DTNA: variants seen among roughly 807,000 people sequenced by gnomAD.
The protein encoded by DTNA is dystrophin-related protein 3.
Under a neutral mutation model 100.7 loss-of-function variants are expected in DTNA, and 43 were observed. The observed-to-expected ratio is 0.43, with a 90% CI of 0.33 to 0.55. The LOEUF is 0.55. DTNA is among the 20% of genes least tolerant of loss of function. The pLI is 0.04. For synonymous variants in DTNA, 349 were observed against 347.9 expected (o/e 1.00, Z -0.04); for missense variants, 798 against 953.9 (o/e 0.84, Z 2.15).
chr18:34,765,578 A>G (rs541520090), intron 2 of DTNA, among the ~76,000 whole-genome samples: 440 of 152,360 alleles, frequency 2.9e-3, no homozygotes, highest in Non-Finnish European at 5.3e-3. Flanking sequence ...GCCACATTCT[A>G]ATGACCAATA....
intron 1 of DTNA, among the ~76,000 whole-genome samples, chr18:34,624,036 T>A (rs1268544573): frequency 6.6e-6 from 1 of 152,140 alleles, no homozygotes; most frequent in East Asian, 1.9e-4. Context: ...AATTTTTAAT[T>A]AAAATTACCC....
intron 1 of DTNA, among the ~76,000 whole-genome samples, chr18:34,601,591 C>T (rs2051841595): frequency 1.3e-5 from 2 of 152,206 alleles, no homozygotes; most frequent in Non-Finnish European, 2.9e-5. Flanking sequence ...CCCTTAGTAA[C>T]ACAGATTTAG....
rs564252172 is a variant in DTNA, at chr18:34,719,970, A to C, written c.-2+9525A>C. On this transcript the variant is annotated intron_variant, in intron 1 of 22. Transcript: ENST00000444659. ...TAATGGTACTAATAAGAGCAAATGG[A>C]ATTCCCTTCCAAGCTTGGTATTTGA... 8.5e-5 allele frequency among the ~76,000 whole-genome samples: 13 copies of C among 152,264 alleles called. No individual in the cohort carries two copies. In the South Asian group the frequency reaches 2.7e-3, roughly 32 times the overall value.
At chr18:34,566,464 C>T (rs1438029613) in intron 1 of DTNA, among the ~76,000 whole-genome samples, 2 of 152,112 alleles carry the variant, frequency 1.3e-5, no homozygotes, top group Non-Finnish European at 2.9e-5. Context: ...AGAAATTAAA[C>T]CAATACATGG....
chr18:34,706,206 C>G (rs2082099250), upstream of DTNA, among the ~76,000 whole-genome samples: 2 of 152,152 alleles, frequency 1.3e-5, no homozygotes, highest in Admixed American at 6.6e-5. Context: ...CCTCGGCCTC[C>G]CAAAGTGCTG....
chr18:34,768,328 G>T (rs1486302358), intron 3 of DTNA, among the ~76,000 whole-genome samples: 1 of 151,800 alleles, frequency 6.6e-6, no homozygotes, highest in East Asian at 1.9e-4. Flanking sequence ...AGCAAAAAAA[G>T]GAAAACAAAG....
At position 34,818,228 on chromosome 18, in the gene DTNA, C is replaced by T. The variant is rs964521283; in HGVS notation, c.774C>T (p.Cys258=). The change falls in exon 8 of 23, where the codon TGC becomes TGT. Residue 258 remains cysteine, a synonymous_variant. Transcript: ENST00000444659. ...GTATGATGGGATTTCGCTACCGATGCCAACAGTGTCACAATTACCAGCTCT... is the reference window on the plus strand; with the variant it reads ...GTATGATGGGATTTCGCTACCGATGTCAACAGTGTCACAATTACCAGCTCT... ...SESMMGFRYR[C]QQCHNYQLCQ... 6.2e-7 allele frequency: 1 copy of T among 1,614,014 alleles called. No individual in the cohort carries two copies. The highest frequency in any genetic ancestry group is 2.2e-5 in the East Asian group (1 of 44,888).
intron 3 of DTNA, among the ~76,000 whole-genome samples, chr18:34,788,330 T>C (rs1241376897): frequency 6.6e-6 from 1 of 152,236 alleles, no homozygotes; most frequent in East Asian, 1.9e-4. Flanking sequence ...TACTTAAATT[T>C]CTCAATAACT....
intron 5 of DTNA, among the ~76,000 whole-genome samples, 171 bp from the exon 6 acceptor site, chr18:34,811,788 A>G (rs2095491089): frequency 6.6e-6 from 1 of 152,200 alleles, no homozygotes; most frequent in Non-Finnish European, 1.5e-5. Context: ...AAAAGAAACC[A>G]GAGAAAACAT....
chr18:34,715,713 A>T (rs2083905241), intron 1 of DTNA, among the ~76,000 whole-genome samples: 1 of 152,078 alleles, frequency 6.6e-6, no homozygotes, highest in Non-Finnish European at 1.5e-5. Flanking sequence ...TCATAAAGGA[A>T]TGGTAATATG....
At chr18:34,634,293 A>G (rs1359456582) in intron 1 of DTNA, among the ~76,000 whole-genome samples, 1 of 152,202 alleles carries the variant, frequency 6.6e-6, no homozygotes, top group Non-Finnish European at 1.5e-5. Context: ...CTTCGTTTGT[A>G]CAGGTTACAT....
rs1024370631 is a variant in DTNA, at chr18:34,696,224, A to G, written c.-1-59752A>G. Among the ~76,000 whole-genome samples the G allele has an allele frequency of 2.6e-5, 4 of 152,282 alleles. No individual in the cohort carries two copies. In the East Asian group the frequency reaches 7.7e-4, roughly 29 times the overall value. On this transcript the variant is annotated intron_variant, in intron 1 of 19. Transcript: ENST00000283365. Reference sequence around the variant, plus strand: ...AGGGAAAAGAGAACATTACATTTTTATGAAAACAATAAGAAATACACTATT... The same window carrying G: ...AGGGAAAAGAGAACATTACATTTTTGTGAAAACAATAAGAAATACACTATT...
intron 1 of DTNA, among the ~76,000 whole-genome samples, chr18:34,676,105 C>G (rs570254350): frequency 6.6e-6 from 1 of 152,262 alleles, no homozygotes; most frequent in Admixed American, 6.5e-5. Context: ...CTGAGAGGAC[C>G]ACATATCCCA....
rs145895508 is a variant in DTNA, at chr18:34,578,746, T to G, written c.-2+85232T>G. Among the ~76,000 whole-genome samples, 1,102 of 152,280 alleles carry G rather than the reference T, an allele frequency of 7.2e-3. 17 individuals are homozygous for G. The highest frequency in any genetic ancestry group is 0.026 in the African/African-American group (1,063 of 41,562). On this transcript the variant is annotated intron_variant, in intron 1 of 19. Coordinates refer to the DTNA transcript ENST00000283365. ...GGTGTCTTTTTCCCACTTTATGTTT[T>G]TGTTTGCTTTGTCAACGATCAGTTG...
chr18:34,744,384 T>C (rs35534632), intron 1 of DTNA, among the ~76,000 whole-genome samples: 16,745 of 152,174 alleles, frequency 0.11, 1,316 homozygotes, highest in African/African-American at 0.22. Flanking sequence ...TCACACATCA[T>C]GGATATCATG....
intron 2 of DTNA, among the ~76,000 whole-genome samples, chr18:34,761,934 G>A (rs4799778): frequency 0.7 from 105,930 of 151,852 alleles, 40,393 homozygotes; most frequent in East Asian, 0.96. Flanking sequence ...ATAATGAAGA[G>A]TACATTGAAA....
At chr18:34,699,882 A>G (rs750691397) in intron 1 of DTNA, among the ~76,000 whole-genome samples, 6 of 152,196 alleles carry the variant, frequency 3.9e-5, no homozygotes, top group Non-Finnish European at 8.8e-5. Flanking sequence ...AAACTTGGCT[A>G]GCTTAACAAA....
At chr18:34,668,569 A>G (rs1413534006) in intron 1 of DTNA, among the ~76,000 whole-genome samples, 2 of 152,112 alleles carry the variant, frequency 1.3e-5, no homozygotes, top group Admixed American at 6.5e-5. Context: ...ATTTAGTGCT[A>G]TAAATTTCCC....
intron 17 of DTNA, among the ~76,000 whole-genome samples, chr18:34,865,243 C>G (rs2150173456): frequency 6.6e-6 from 1 of 152,034 alleles, no homozygotes; most frequent in South Asian, 2.1e-4. Context: ...TTTTGTCTGT[C>G]CTTTCTTTCT....
Sources: gnomAD v4.1 joint callset for allele counts (sites outside exome capture counted in the v4.1 genomes callset) on GRCh38, gnomAD v4.1.1 for gene constraint, MANE v1.5 for transcripts, NCBI Gene and HGNC (gene_info 2026-07-23, HGNC 2026-07-21) for gene names.